Variants in HIBCH observed in about 807,000 individuals in gnomAD.
HIBCH encodes 3-hydroxyisobutyryl-CoA hydrolase, also known as 3-hydroxyisobutyryl-CoA hydrolase, mitochondrial.
Under a neutral mutation model 58.2 loss-of-function variants are expected in HIBCH, and 50 were observed. That is an observed-to-expected ratio of 0.86 (90% CI 0.68 to 1.09). HIBCH has a LOEUF of 1.09. Ranked by LOEUF, HIBCH falls within the 50% of genes least tolerant of loss-of-function variation. The probability of loss-of-function intolerance (pLI) is 0.00; values close to 1 mark genes in which losing one functional copy is unlikely to be tolerated. For synonymous variants in HIBCH, 151 were observed against 146.9 expected (o/e 1.03, Z -0.20); for missense variants, 450 against 449.7 (o/e 1.00, Z -0.01).
chr2:190,318,912 T>C (rs890941625), intron 1 of HIBCH, among the ~76,000 whole-genome samples: 3 of 152,232 alleles, frequency 2.0e-5, no homozygotes, highest in Non-Finnish European at 2.9e-5. Context: ...CACTTTCCCC[T>C]GAAACTATTC....
intron 1 of HIBCH, among the ~76,000 whole-genome samples, chr2:190,198,618 T>TAAGA (rs1323241645): frequency 9.1e-5 from 9 of 98,980 alleles, no homozygotes; most frequent in African/African-American, 1.7e-4. Flanking sequence ...GTTAACAGAG[T>TAAGA]AAGACCCTGT....
At chr2:190,314,784 G>C (rs550758464) in intron 1 of HIBCH, among the ~76,000 whole-genome samples, 1 of 151,976 alleles carries the variant, frequency 6.6e-6, no homozygotes, top group East Asian at 1.9e-4. Context: ...CAGCCCATTC[G>C]TTCTAATTCA....
At chr2:190,260,697 G>T (rs946792881) in intron 7 of HIBCH, among the ~76,000 whole-genome samples, 2 of 152,084 alleles carry the variant, frequency 1.3e-5, no homozygotes, top group Non-Finnish European at 2.9e-5. Context: ...AGCTACACAG[G>T]CAATTCAGTA....
chr2:190,203,334 C>CACTA (rs1690305512), downstream of HIBCH: 3 of 167,106 alleles, frequency 1.8e-5, no homozygotes, highest in South Asian at 6.2e-4. Context: ...AGTTCAGAAG[C>CACTA]ACTACCTGCA....
At chr2:190,194,658 T>C (rs1575677589) in intron 1 of HIBCH, among the ~76,000 whole-genome samples, 1 of 152,206 alleles carries the variant, frequency 6.6e-6, no homozygotes, top group Non-Finnish European at 1.5e-5. Flanking sequence ...AATAGTTTCA[T>C]TGCCTTAAAA....
At chr2:190,223,756 T>C (rs1374963375) in intron 11 of HIBCH, among the ~76,000 whole-genome samples, 2 of 152,136 alleles carry the variant, frequency 1.3e-5, no homozygotes, top group African/African-American at 4.8e-5. Context: ...CTAAAGGAGC[T>C]CATGTAATAT....
intron 11 of HIBCH, among the ~76,000 whole-genome samples, chr2:190,233,134 T>C (rs557576674): frequency 1.3e-5 from 2 of 152,220 alleles, no homozygotes; most frequent in East Asian, 1.9e-4. Context: ...AGCCTTCATA[T>C]GTAACATGTT....
At chr2:190,232,989 T>C (rs1437281111) in intron 11 of HIBCH, among the ~76,000 whole-genome samples, 2 of 151,744 alleles carry the variant, frequency 1.3e-5, no homozygotes, top group African/African-American at 4.8e-5. Context: ...AAAAACAAAA[T>C]GTAATAATAT....
intron 7 of HIBCH, among the ~76,000 whole-genome samples, chr2:190,255,772 G>A (rs914792839): frequency 6.6e-6 from 1 of 152,146 alleles, no homozygotes; most frequent in Non-Finnish European, 1.5e-5. Context: ...GAGAGCTGCA[G>A]AGAGAAAGCT....
chr2:190,317,241 C>G (rs1688727259), intron 1 of HIBCH, among the ~76,000 whole-genome samples: 1 of 152,182 alleles, frequency 6.6e-6, no homozygotes, highest in Non-Finnish European at 1.5e-5. Flanking sequence ...ACTCCCTCTC[C>G]CTATCTAAAT....
rs1688412835 is a variant in HIBCH at position 190,306,574 on chromosome 2, CCT to C, written c.78+4178_78+4179del. 6.6e-6 allele frequency among the ~76,000 whole-genome samples: 1 copy of C among 152,126 alleles called. No homozygotes were observed. The highest frequency in any genetic ancestry group is 2.4e-5 in the African/African-American group (1 of 41,424). ...TCATATAGGTCCTCTGTATCACTCC[CCT>C]GAGGCTTAAGCAAGAGAAACCTTGC... On this transcript the variant is annotated intron_variant, in intron 2 of 13. Coordinates refer to ENST00000359678, the MANE Select transcript of HIBCH (RefSeq NM_014362.4). This position sits in a 1 kb window ranked among gnomAD's most constrained non-coding sequence, Gnocchi z 4.6.
At chr2:190,255,359 G>C (rs1426274636) in intron 7 of HIBCH, among the ~76,000 whole-genome samples, 1 of 152,072 alleles carries the variant, frequency 6.6e-6, no homozygotes, top group African/African-American at 2.4e-5. Flanking sequence ...ACAATATTCT[G>C]CTCTCAGTTC....
rs865907101 is a variant in HIBCH, at chr2:190,236,410, A to G, written c.891+8477T>C. On this transcript the variant is annotated intron_variant, in intron 11 of 13. Coordinates refer to ENST00000359678, the MANE Select transcript of HIBCH (RefSeq NM_014362.4). The surrounding 1 kb of genome is among the most constrained non-coding windows in gnomAD (Gnocchi z 4.1). ...TTTAAATCAAACATATTTAAGAGTT[A>G]TGTTCTGCTTTGAACTGTAAATATT... Among the ~76,000 whole-genome samples the G allele has an allele frequency of 6.6e-6, 1 of 152,344 alleles. No individual in the cohort carries two copies. Among genetic ancestry groups the G allele is most frequent in the African/African-American group, 2.4e-5 (1 of 41,592 alleles).
In HIBCH at chr2:190,282,457, AC is replaced by A. The variant is rs548487656; in HGVS notation, c.438+5128del. Reference sequence around the variant, plus strand: ...AGCCCAAAACATAGGAAGCAACCTCACTTTACAACAACCTGCTCTCGCAGAA... The same window carrying A: ...AGCCCAAAACATAGGAAGCAACCTCATTTACAACAACCTGCTCTCGCAGAA... On this transcript the variant is annotated intron_variant, in intron 6 of 13. Coordinates refer to ENST00000359678, the MANE Select transcript of HIBCH (RefSeq NM_014362.4). Among the ~76,000 whole-genome samples, 156 of 152,206 alleles carry A rather than the reference AC, an allele frequency of 1.0e-3. 1 individual carries two copies. The highest frequency in any genetic ancestry group is 1.9e-3 in the Non-Finnish European group (131 of 68,032).
At chr2:190,244,105 A>G (rs1235119215) in intron 11 of HIBCH, among the ~76,000 whole-genome samples, 1 of 152,100 alleles carries the variant, frequency 6.6e-6, no homozygotes. Flanking sequence ...AATAGAAAAC[A>G]TTATGGAATC....
At chr2:190,310,961 G>A (rs1688540178) in intron 1 of HIBCH, 165 bp from the exon 2 acceptor site, 2 of 705,928 alleles carry the variant, frequency 2.8e-6, no homozygotes, top group Non-Finnish European at 5.2e-6. Context: ...ACATTAAATG[G>A]TACAGCCACT....
intron 2 of HIBCH, among the ~76,000 whole-genome samples, chr2:190,303,756 T>C (rs1688330550): frequency 6.6e-6 from 1 of 152,086 alleles, no homozygotes; most frequent in Admixed American, 6.6e-5. Flanking sequence ...AAGGGAAAAA[T>C]AGCAACTTTA....
chr2:190,194,512 A>ACACG (rs1689879512), intron 1 of HIBCH, among the ~76,000 whole-genome samples: 1 of 149,860 alleles, frequency 6.7e-6, no homozygotes, highest in African/African-American at 2.5e-5. Context: ...ACACACACAC[A>ACACG]CACACACGCA....
chr2:190,238,768 C>T (rs938035823), intron 11 of HIBCH, among the ~76,000 whole-genome samples: 5 of 152,238 alleles, frequency 3.3e-5, no homozygotes, highest in Admixed American at 2.0e-4. Flanking sequence ...CGGCCACAAA[C>T]GTCTTCTTTT....
Sources: allele counts gnomAD v4.1 joint callset (sites outside exome capture counted in the v4.1 genomes callset), GRCh38; gene constraint gnomAD v4.1.1; non-coding constraint Gnocchi (gnomAD v3.1); transcripts MANE v1.5; gene names NCBI Gene and HGNC (gene_info 2026-07-23, HGNC 2026-07-21).